DPP6: variants seen among roughly 807,000 people sequenced by gnomAD.
The protein encoded by DPP6 is dipeptidyl peptidase like 6.
In DPP6, 69 loss-of-function variants were observed where a neutral mutation model predicts 122.6. The observed-to-expected ratio is 0.56, with a 90% CI of 0.46 to 0.69. The LOEUF is 0.69. Ranked by LOEUF, DPP6 falls within the 30% of genes least tolerant of loss-of-function variation. The pLI is 0.00. For synonymous variants in DPP6, 418 were observed against 433.1 expected (o/e 0.97, Z 0.43); for missense variants, 928 against 1,116.9 (o/e 0.83, Z 2.41).
At chr7:154,335,643 A>G (rs1809347311) in intron 1 of DPP6, among the ~76,000 whole-genome samples, 1 of 152,210 alleles carries the variant, frequency 6.6e-6, no homozygotes, top group African/African-American at 2.4e-5. Context: ...ACAAGATTGC[A>G]GGAACCTGAG....
chr7:154,837,326 CACATGCATAACATGCACACATGCACACAT>C (rs1343628535), intron 16 of DPP6, among the ~76,000 whole-genome samples: 5 of 151,278 alleles, frequency 3.3e-5, no homozygotes, highest in Non-Finnish European at 5.9e-5. Flanking sequence ...CACATGCACA[CACATGCATAACATGCACACATGCACACAT>C]GCATGCATAC....
intron 5 of DPP6, among the ~76,000 whole-genome samples, chr7:154,623,934 G>T (rs530841574): frequency 6.6e-6 from 1 of 152,180 alleles, no homozygotes; most frequent in African/African-American, 2.4e-5. Flanking sequence ...GCTGGGCATG[G>T]TATAATCCCA....
At chr7:154,127,550 G>A (rs1046699075) in intron 1 of DPP6, among the ~76,000 whole-genome samples, 5 of 150,880 alleles carry the variant, frequency 3.3e-5, no homozygotes, top group East Asian at 1.9e-4. Context: ...TGTTGCCTCC[G>A]GCTTTCTGGT....
chr7:153,809,957 A>G, the DPP6 span, among the ~76,000 whole-genome samples: 1 of 152,098 alleles, frequency 6.6e-6, no homozygotes, highest in Admixed American at 6.5e-5. Context: ...GTATCTTTGT[A>G]TCTTAGCAGA....
chr7:154,340,022 A>G (rs1037177507), intron 1 of DPP6, among the ~76,000 whole-genome samples: 2 of 152,108 alleles, frequency 1.3e-5, no homozygotes, highest in African/African-American at 4.8e-5. Flanking sequence ...GCAGTGAGCC[A>G]AGATTGCGCC....
intron 5 of DPP6, among the ~76,000 whole-genome samples, chr7:154,590,249 C>T (rs1247646447): frequency 6.6e-6 from 1 of 152,122 alleles, no homozygotes; most frequent in African/African-American, 2.4e-5. Flanking sequence ...CCGTTTCAAT[C>T]CCAAGAAAGC....
At chr7:154,514,927 T>C (rs1232431637) in intron 3 of DPP6, among the ~76,000 whole-genome samples, 1 of 152,204 alleles carries the variant, frequency 6.6e-6, no homozygotes, top group African/African-American at 2.4e-5. Context: ...CTGGATCAAG[T>C]GGTAATTCTA....
intron 1 of DPP6, among the ~76,000 whole-genome samples, chr7:154,297,067 T>TA (rs201779518): frequency 0.13 from 17,396 of 135,262 alleles, 1,454 homozygotes; most frequent in East Asian, 0.27. Context: ...TATTCTGTTT[T>TA]TTTTTTTTTG....
chr7:154,509,936 G>A (rs1220664547), intron 3 of DPP6, among the ~76,000 whole-genome samples: 1 of 152,078 alleles, frequency 6.6e-6, no homozygotes, highest in Non-Finnish European at 1.5e-5. Flanking sequence ...GGGGTGAGGG[G>A]CATGGGGGCA....
intron 11 of DPP6, among the ~76,000 whole-genome samples, chr7:154,794,549 A>G (rs1468745127): frequency 6.6e-6 from 1 of 152,164 alleles, no homozygotes; most frequent in Non-Finnish European, 1.5e-5. Context: ...TGATGCTCAG[A>G]GAGGAGGGGC....
chr7:154,503,877 C>A (rs937688918), intron 3 of DPP6, among the ~76,000 whole-genome samples: 3 of 152,164 alleles, frequency 2.0e-5, no homozygotes, highest in African/African-American at 7.2e-5. Context: ...ATGGGTTGAT[C>A]TGTGCAGCAA....
At chr7:154,148,117 GC>G (rs931990508) in intron 1 of DPP6, among the ~76,000 whole-genome samples, 3 of 147,386 alleles carry the variant, frequency 2.0e-5, no homozygotes, top group Non-Finnish European at 2.9e-5. Context: ...ATTTTAGTGA[GC>G]CATGGCTTCC....
intron 4 of DPP6, among the ~76,000 whole-genome samples, chr7:154,544,137 ATT>A (rs1491487321): frequency 6.9e-6 from 1 of 145,748 alleles, no homozygotes; most frequent in African/African-American, 2.5e-5. Context: ...AAATATATGT[ATT>A]TTATATATAT....
chr7:154,103,027 G>A (rs901535171), intron 1 of DPP6, among the ~76,000 whole-genome samples: 1 of 152,046 alleles, frequency 6.6e-6, no homozygotes, highest in African/African-American at 2.4e-5. Context: ...GGTTGGCCTG[G>A]TTAGCCTTGT....
At chr7:154,537,543 A>G (rs535200546) in intron 3 of DPP6, among the ~76,000 whole-genome samples, 1 of 152,238 alleles carries the variant, frequency 6.6e-6, no homozygotes, top group Admixed American at 6.5e-5. Flanking sequence ...TACAAAAATT[A>G]GATCAGCGTG....
At chr7:153,927,100 G>T (rs996856553) in intron 1 of DPP6, among the ~76,000 whole-genome samples, 1 of 151,946 alleles carries the variant, frequency 6.6e-6, no homozygotes, top group Non-Finnish European at 1.5e-5. Flanking sequence ...ATTGCTTGAG[G>T]CCAGGAGTTT....
At chr7:154,002,219 A>T (rs1011187039) in intron 1 of DPP6, among the ~76,000 whole-genome samples, 34 of 152,058 alleles carry the variant, frequency 2.2e-4, no homozygotes, top group Middle Eastern at 3.4e-3. Flanking sequence ...TTTTCATGTC[A>T]TGCGTATTTT....
intron 16 of DPP6, among the ~76,000 whole-genome samples, chr7:154,852,969 C>G (rs61047007): frequency 0.024 from 3,721 of 152,306 alleles, 140 homozygotes; most frequent in African/African-American, 0.085. Flanking sequence ...TGGGAACAAG[C>G]CTGACATGCC....
At chr7:154,011,510 G>A (rs763557869) in intron 1 of DPP6, among the ~76,000 whole-genome samples, 14 of 152,128 alleles carry the variant, frequency 9.2e-5, no homozygotes, top group Non-Finnish European at 1.5e-5. Context: ...TCAGATCTAA[G>A]AAATAAATCT....
Sources: gnomAD v4.1 joint callset for allele counts (sites outside exome capture counted in the v4.1 genomes callset) on GRCh38, gnomAD v4.1.1 for gene constraint, MANE v1.5 for transcripts, NCBI Gene and HGNC (gene_info 2026-07-23, HGNC 2026-07-21) for gene names.